Variants in HMCN1 observed in about 807,000 individuals in gnomAD.
HMCN1 encodes hemicentin 1.
Under a neutral mutation model 625.9 loss-of-function variants are expected in HMCN1, and 321 were observed. The ratio of observed to expected loss-of-function variants is 0.51; its 90% CI spans 0.47 to 0.56. The LOEUF is 0.56. Among genes scored for constraint, HMCN1 ranks in the 20% least tolerant of loss-of-function variants. The pLI, the probability that HMCN1 is intolerant of heterozygous loss-of-function variation, is 0.00. For synonymous variants in HMCN1, 2,425 were observed against 2,417.6 expected (o/e 1.00, Z -0.09); for missense variants, 6,588 against 6,887.3 (o/e 0.96, Z 1.54).
At position 185,977,962 on chromosome 1, in the gene HMCN1, A is replaced by T. The variant is rs750829467; in HGVS notation, c.2547A>T (p.Thr849=). Residue 849 remains threonine, a synonymous_variant, in exon 16 of 107, where the codon ACA becomes ACT. Coordinates refer to ENST00000271588, the MANE Select transcript of HMCN1 (RefSeq NM_031935.3). ...FSVSSISQLR[T]GALFILNLWA... is the part of the protein sequence containing the mutation. ...TTAGTTCCATCAGCCAACTAAGAAC[A>T]GGAGCTCTCTTTATTTTAAGTAGGT... 1.2e-6 allele frequency: 2 copies of T among 1,612,154 alleles called. No individual in the cohort carries two copies. The highest frequency in any genetic ancestry group is 1.7e-5 in the Admixed American group (1 of 59,950).
At chr1:186,001,481 G>T in intron 27 of HMCN1, 53 bp downstream of exon 27, 1 of 1,598,402 alleles carries the variant, frequency 6.3e-7, no homozygotes, top group South Asian at 1.1e-5. Context: ...ATCTGAAGTA[G>T]GTTGTTCAGA....
chr1:185,760,924 G>C (rs1341693517), intron 1 of HMCN1, among the ~76,000 whole-genome samples: 1 of 152,154 alleles, frequency 6.6e-6, no homozygotes, highest in African/African-American at 2.4e-5. Context: ...CTCGTGACTA[G>C]TACATGGTGG....
intron 35 of HMCN1, among the ~76,000 whole-genome samples, chr1:186,022,673 T>C (rs1654797095): frequency 6.6e-6 from 1 of 152,162 alleles, no homozygotes; most frequent in South Asian, 2.1e-4. Flanking sequence ...GTTTTAAAAC[T>C]ATGAATTTTT....
rs1654819914 is a variant in HMCN1 at position 186,023,043 on chromosome 1, G to A, written c.5639G>A (p.Gly1880Asp). The A allele has an allele frequency of 1.2e-6, 2 of 1,613,316 alleles. No individual in the cohort carries two copies. Among genetic ancestry groups the A allele is most frequent in the East Asian group, 4.5e-5 (2 of 44,794 alleles). The change falls in exon 36 of 107, where the codon GGT (glycine) becomes GAT (aspartate). Residue 1880 changes from glycine to aspartate, a missense_variant. Physicochemically the swap from Gly to Asp is moderately conservative, Grantham distance 94 (BLOSUM62 -1). Transcript: ENST00000271588. Reference sequence around the variant, plus strand: ...GCTCCCAATTAGATACAGTCTTCTGGTCGAGTTCTACAAATTGCCAAAACC... The same window carrying A: ...GCTCCCAATTAGATACAGTCTTCTGATCGAGTTCTACAAATTGCCAAAACC... ...AQGNLKIQSS[G>D]RVLQIAKTLL...
intron 1 of HMCN1, among the ~76,000 whole-genome samples, chr1:185,762,570 C>T (rs527463274): frequency 3.9e-5 from 6 of 152,220 alleles, no homozygotes; most frequent in African/African-American, 1.4e-4. Context: ...TAGTAATAGA[C>T]TAATCAGAGG....
intron 1 of HMCN1, among the ~76,000 whole-genome samples, chr1:185,801,607 G>T (rs1479054919): frequency 1.3e-5 from 2 of 152,172 alleles, no homozygotes; most frequent in Non-Finnish European, 2.9e-5. Context: ...TAGAGAGTAT[G>T]AACTAGTTCA....
chr1:186,057,028 A>T (rs1025446802), intron 45 of HMCN1, among the ~76,000 whole-genome samples: 3 of 110,822 alleles, frequency 2.7e-5, no homozygotes, highest in African/African-American at 1.3e-4. Flanking sequence ...ACTTCCAGGA[A>T]TGTCACACAC....
chr1:186,065,899 G>A (rs1658078644), intron 49 of HMCN1, among the ~76,000 whole-genome samples: 1 of 152,074 alleles, frequency 6.6e-6, no homozygotes, highest in African/African-American at 2.4e-5. Context: ...TTTTTAACTT[G>A]TGCTCACTTT....
chr1:185,836,250 CCT>C (rs1661167123), intron 1 of HMCN1, among the ~76,000 whole-genome samples: 2 of 152,002 alleles, frequency 1.3e-5, no homozygotes, highest in African/African-American at 4.8e-5. Flanking sequence ...AGGTGAAATT[CCT>C]CTTTTTTTTC....
At chr1:185,925,932 G>A (rs143972052) in intron 9 of HMCN1, among the ~76,000 whole-genome samples, 27 of 152,320 alleles carry the variant, frequency 1.8e-4, no homozygotes, top group African/African-American at 6.3e-4. Flanking sequence ...GAGAGGCATG[G>A]TCTGTGCTGC....
chr1:186,010,867 C>T (rs187893182), intron 30 of HMCN1, among the ~76,000 whole-genome samples: 1 of 152,124 alleles, frequency 6.6e-6, no homozygotes, highest in African/African-American at 2.4e-5. Context: ...CAAATTTCTA[C>T]AAAATTGTTT....
rs761146205 is a variant in HMCN1, at chr1:186,189,636, G to A, written c.16666G>A (p.Ala5556Thr). Residue 5556 changes from alanine to threonine, a missense_variant, in exon 107 of 107, where the codon GCA becomes ACA. Ala to Thr is a moderately conservative substitution (Grantham distance 58). Transcript: ENST00000271588. ...ATNQDLIRLV[A>T]YTQDGVMHPR... ...CAATCAAGATTTAATCCGGCTGGTT[G>A]CATACACACAGGATGGAGTGATGCA... 1.2e-6 allele frequency: 2 copies of A among 1,612,700 alleles called. No individual in the cohort carries two copies. The highest frequency in any genetic ancestry group is 1.7e-6 in the Non-Finnish European group (2 of 1,179,246).
At chr1:186,041,284 C>T (rs1656189239) in intron 40 of HMCN1, 148 bp downstream of exon 40, 1 of 798,586 alleles carries the variant, frequency 1.3e-6, no homozygotes, top group Admixed American at 2.1e-5. Flanking sequence ...AATTCTCTTT[C>T]TGCCTTATAT....
intron 89 of HMCN1, among the ~76,000 whole-genome samples, chr1:186,138,310 C>A (rs1026915915): frequency 2.6e-5 from 4 of 151,972 alleles, no homozygotes; most frequent in African/African-American, 9.7e-5. Flanking sequence ...AAAAATGAAC[C>A]CTAGAGAGGT....
chr1:185,788,721 A>G lies in HMCN1; in HGVS notation c.268+53674A>G, dbSNP rs141593109. 4.6e-5 allele frequency among the ~76,000 whole-genome samples: 7 copies of G among 152,288 alleles called. No homozygotes were observed. The East Asian group carries it at 5.8e-4, about 13-fold the overall frequency. On this transcript the variant is annotated intron_variant, in intron 1 of 106. Transcript: ENST00000271588. The stretch of plus-strand genomic sequence containing the variant: ...GTGTGTCCACGTGTGCTCTTAGAAG[A>G]ACAGAGGTTTTGTTTCATTTTGTGA...
intron 1 of HMCN1, among the ~76,000 whole-genome samples, chr1:185,782,006 C>T (rs890175755): frequency 6.6e-5 from 10 of 152,128 alleles, no homozygotes; most frequent in African/African-American, 2.4e-4. Flanking sequence ...TCTCTAAGGA[C>T]TTGTTTTATG....
intron 105 of HMCN1, among the ~76,000 whole-genome samples, chr1:186,185,137 A>G (rs534673358): frequency 6.6e-6 from 1 of 152,184 alleles, no homozygotes; most frequent in African/African-American, 2.4e-5. Context: ...TATTTACCCA[A>G]TGAAAATATA....
chr1:185,856,359 G>A (rs887679590), intron 2 of HMCN1, among the ~76,000 whole-genome samples: 1 of 151,796 alleles, frequency 6.6e-6, no homozygotes, highest in South Asian at 2.1e-4. Context: ...GCATGGTGGC[G>A]GGCACCTGTA....
chr1:185,927,483 C>G (rs1022124913), intron 9 of HMCN1, among the ~76,000 whole-genome samples: 1 of 152,140 alleles, frequency 6.6e-6, no homozygotes, highest in African/African-American at 2.4e-5. Context: ...GGATCAATGA[C>G]CTTGCTTTGT....
Sources: allele counts gnomAD v4.1 joint callset (sites outside exome capture counted in the v4.1 genomes callset), GRCh38; gene constraint gnomAD v4.1.1; transcripts MANE v1.5; gene names NCBI Gene and HGNC (gene_info 2026-07-23, HGNC 2026-07-21).